The following MYO5B variants were observed in gnomAD, a reference collection of about 807,000 sequenced individuals.
The protein encoded by MYO5B is unconventional myosin-Vb.
A neutral mutation model predicts 229.3 loss-of-function variants in MYO5B; 143 were observed. The observed-to-expected ratio is 0.62, with a 90% CI of 0.54 to 0.72. The LOEUF is 0.72. Ranked by LOEUF, MYO5B falls within the 30% of genes least tolerant of loss-of-function variation. The pLI, the probability that MYO5B is intolerant of heterozygous loss-of-function variation, is 0.00. For synonymous variants in MYO5B, 918 were observed against 885.2 expected (o/e 1.04, Z -0.66); for missense variants, 2,321 against 2,331.0 (o/e 1.00, Z 0.09).
intron 14 of MYO5B, among the ~76,000 whole-genome samples, chr18:49,948,344 T>C (rs1174289858): frequency 6.6e-6 from 1 of 152,230 alleles, no homozygotes; most frequent in Non-Finnish European, 1.5e-5. Flanking sequence ...ATCTCTGACA[T>C]TTAGATGAAT....
At chr18:50,009,113 C>T (rs2026134567) in intron 4 of MYO5B, among the ~76,000 whole-genome samples, 1 of 152,152 alleles carries the variant, frequency 6.6e-6, no homozygotes, top group South Asian at 2.1e-4. Flanking sequence ...CGCAGTGGCT[C>T]ACGTCTGTAA....
At chr18:49,931,789 C>T (rs533037045) in intron 16 of MYO5B, among the ~76,000 whole-genome samples, 1 of 152,314 alleles carries the variant, frequency 6.6e-6, no homozygotes, top group South Asian at 2.1e-4. Flanking sequence ...ACTGCTAAAG[C>T]TGTCAGCCAG....
intron 12 of MYO5B, among the ~76,000 whole-genome samples, chr18:49,959,337 C>T (rs1414939131): frequency 6.6e-6 from 1 of 152,200 alleles, no homozygotes; most frequent in Non-Finnish European, 1.5e-5. Flanking sequence ...TGAATGAATA[C>T]ATAAATGTGG....
chr18:49,972,187 G>C (rs566117637), intron 10 of MYO5B, among the ~76,000 whole-genome samples: 86 of 152,310 alleles, frequency 5.6e-4, no homozygotes, highest in Middle Eastern at 3.4e-3. Context: ...TTTCAAACCA[G>C]ACAAGCCATC....
intron 5 of MYO5B, among the ~76,000 whole-genome samples, chr18:49,993,904 C>T (rs2025958990): frequency 6.6e-6 from 1 of 152,174 alleles, no homozygotes; most frequent in Non-Finnish European, 1.5e-5. Context: ...CTTAGCATGG[C>T]TTATGTGCTT....
At chr18:49,853,785 G>C in intron 30 of MYO5B, 138 bp from the exon 31 acceptor site, 1 of 783,914 alleles carries the variant, frequency 1.3e-6, no homozygotes, top group Non-Finnish European at 2.1e-6. Flanking sequence ...GATGAATGCA[G>C]CAGGAGACAG....
chr18:49,924,657 G>C (rs2025110178), intron 17 of MYO5B, among the ~76,000 whole-genome samples: 1 of 152,174 alleles, frequency 6.6e-6, no homozygotes, highest in African/African-American at 2.4e-5. Context: ...ACCTTTGCTG[G>C]GATGGTAACA....
chr18:49,839,080 A>C, intron 36 of MYO5B, 64 bp downstream of exon 36: 1 of 1,599,720 alleles, frequency 6.3e-7, no homozygotes, highest in Non-Finnish European at 8.5e-7. Context: ...GAGGGTGCTG[A>C]CCACGCCTTC....
chr18:49,958,780 G>T (rs571748718), intron 12 of MYO5B, among the ~76,000 whole-genome samples: 1 of 152,136 alleles, frequency 6.6e-6, no homozygotes, highest in Non-Finnish European at 1.5e-5. Context: ...CCACCCAAGG[G>T]ACTCACGGAG....
intron 24 of MYO5B, 118 bp from the exon 25 acceptor site, chr18:49,878,000 T>G (rs2024546219): frequency 8.0e-7 from 1 of 1,243,250 alleles, no homozygotes; most frequent in African/African-American, 1.5e-5. Flanking sequence ...AGAATAGGTA[T>G]CATTGCTTCT....
intron 22 of MYO5B, among the ~76,000 whole-genome samples, chr18:49,883,543 G>T (rs968688446): frequency 5.3e-5 from 8 of 152,090 alleles, no homozygotes; most frequent in African/African-American, 1.7e-4. Context: ...TTTTAAGATG[G>T]CAACACTCCT....
intron 12 of MYO5B, among the ~76,000 whole-genome samples, chr18:49,960,273 G>T (rs147667077): frequency 6.6e-6 from 1 of 152,290 alleles, no homozygotes; most frequent in Non-Finnish European, 1.5e-5. Context: ...TGTTCACAGT[G>T]CAATGTATTA....
intron 31 of MYO5B, among the ~76,000 whole-genome samples, chr18:49,852,783 C>G (rs1293789548): frequency 6.6e-6 from 1 of 152,172 alleles, no homozygotes; most frequent in East Asian, 1.9e-4. Flanking sequence ...TCAGCTCAAG[C>G]CTCATGTCCT....
chr18:50,139,075 A>C (rs1309154078), intron 1 of MYO5B, among the ~76,000 whole-genome samples: 1 of 152,248 alleles, frequency 6.6e-6, no homozygotes, highest in African/African-American at 2.4e-5. Flanking sequence ...TGTTCATCTA[A>C]TGTGAGGATG....
At chr18:50,097,425 C>T (rs895691821) in intron 1 of MYO5B, 6 of 363,872 alleles carry the variant, frequency 1.6e-5, no homozygotes, top group Non-Finnish European at 3.4e-5. Context: ...ACTAATAAAA[C>T]TTGTTTGGGC....
chr18:50,133,013 G>GT (rs1339091580), intron 1 of MYO5B, among the ~76,000 whole-genome samples: 2 of 152,142 alleles, frequency 1.3e-5, no homozygotes, highest in Non-Finnish European at 2.9e-5. Context: ...CAAGTTCATA[G>GT]TTTTTTGCTT....
chr18:50,177,972 C>G (rs2033020555), intron 1 of MYO5B, among the ~76,000 whole-genome samples: 1 of 152,180 alleles, frequency 6.6e-6, no homozygotes, highest in Non-Finnish European at 1.5e-5. Flanking sequence ...TAAATACCTC[C>G]TTGATACACT....
In MYO5B at chr18:49,974,662, G is replaced by A. The variant is rs1264819529; in HGVS notation, c.1057-47C>T. On this transcript the variant is annotated intron_variant, in intron 9 of 39. Transcript: ENST00000285039. ...GGTTCAGGAGGAGTGTGGGAGACAA[G>A]CCGCCCCCCACCAATGTCTTCCACC... 3 of 1,591,498 alleles carry A rather than the reference G, an allele frequency of 1.9e-6. No individual in the cohort carries two copies. The South Asian group carries it at 3.4e-5, about 18-fold the overall frequency.
At chr18:50,172,419 G>A (rs897718766) in intron 1 of MYO5B, among the ~76,000 whole-genome samples, 8 of 151,970 alleles carry the variant, frequency 5.3e-5, no homozygotes, top group African/African-American at 1.7e-4. Context: ...CTAGAGAATC[G>A]GATTCCCAGT....
Sources: gnomAD v4.1 joint callset for allele counts (sites outside exome capture counted in the v4.1 genomes callset) on GRCh38, gnomAD v4.1.1 for gene constraint, MANE v1.5 for transcripts, NCBI Gene and HGNC (gene_info 2026-07-23, HGNC 2026-07-21) for gene names.